Variants in RUVBL1 observed in about 807,000 individuals in gnomAD.
RUVBL1 encodes the protein RuvB like AAA ATPase 1.
RUVBL1 carries 4 observed loss-of-function variants against 52.4 expected under a neutral mutation model. The observed-to-expected ratio is 0.08, with a 90% CI of 0.04 to 0.17. The LOEUF (loss-of-function observed/expected upper bound fraction) is 0.17. Ranked by LOEUF, RUVBL1 falls within the 10% of genes least tolerant of loss-of-function variation. The pLI, the probability that RUVBL1 is intolerant of heterozygous loss-of-function variation, is 1.00. For synonymous variants in RUVBL1, 217 were observed against 214.4 expected, an observed-to-expected ratio of 1.01 and a Z score of -0.10; for missense variants, 298 against 572.8, an observed-to-expected ratio of 0.52 and a Z score of 4.90.
At chr3:128,074,354 GA>G (rs1942247788) in intron 9 of RUVBL1, among the ~76,000 whole-genome samples, 1 of 148,856 alleles carries the variant, frequency 6.7e-6, no homozygotes. Flanking sequence ...TGAAATTCTA[GA>G]GCAGGAAAAC....
At chr3:128,151,561 A>AT (rs900381141) in intron 1 of RUVBL1, among the ~76,000 whole-genome samples, 4 of 151,788 alleles carry the variant, frequency 2.6e-5, no homozygotes, top group Admixed American at 6.6e-5. Context: ...TTACTACTAG[A>AT]TTTTTTTTAA....
At chr3:128,110,590 T>G (rs916633250) in intron 3 of RUVBL1, among the ~76,000 whole-genome samples, 20 of 152,152 alleles carry the variant, frequency 1.3e-4, no homozygotes, top group African/African-American at 4.6e-4. Flanking sequence ...ACTGAGGAAG[T>G]GTTAAAATTA....
intron 3 of RUVBL1, among the ~76,000 whole-genome samples, chr3:128,107,295 T>A (rs1943266318): frequency 6.6e-6 from 1 of 152,226 alleles, no homozygotes; most frequent in Non-Finnish European, 1.5e-5. Context: ...ATTCCCCCCA[T>A]GATTCCAAAG....
rs1239830874 is a variant in RUVBL1 at position 128,130,615 on chromosome 3, TTTTATTTATTTATGTA to T, written c.-39-11217_-39-11202del. ...CTCTACAAAAAAAAAAAAAAAAAAA[TTTTATTTATTTATGTA>T]TTTATTTATTTATTTATTTATTTAT... is the stretch of plus-strand genomic sequence containing the variant. On this transcript the variant is annotated intron_variant, in intron 1 of 9. Transcript: ENST00000464873. 1.3e-3 allele frequency among the ~76,000 whole-genome samples: 120 copies of T among 91,304 alleles called. 1 individual carries two copies. Among genetic ancestry groups the T allele is most frequent in the Middle Eastern group, 4.6e-3 (1 of 218 alleles). 59.9% of individuals were successfully genotyped at this position (91,304 alleles called of 152,430 possible).
rs184299714 is a variant in RUVBL1 at position 128,064,790 on chromosome 3, C to A, written c.*422G>T. ...GAGTCTAATAACTTAAGTTTGTTTT[C>A]CTCTTTTTATTTGTCTGCTAAGAAG... On this transcript the variant is annotated 3_prime_UTR_variant, in exon 10 of 10. Coordinates refer to the RUVBL1 transcript ENST00000464873. 979 of 1,243,274 alleles carry A rather than the reference C, an allele frequency of 7.9e-4. 2 individuals are homozygous for A. Among genetic ancestry groups the A allele is most frequent in the Non-Finnish European group, 1.0e-3 (901 of 888,024 alleles). The allele number at this position is 1,243,274 out of a possible 1,614,324, so 77.0% of individuals were successfully genotyped here. A position where few individuals can be genotyped will look rare whatever the true frequency, so the allele number is the denominator to read the frequency against.
At chr3:128,121,658 C>T (rs566464015) in intron 1 of RUVBL1, among the ~76,000 whole-genome samples, 8 of 147,530 alleles carry the variant, frequency 5.4e-5, no homozygotes, top group African/African-American at 2.0e-4. Context: ...TGCAGTGAGC[C>T]GAGATCGCGC....
At chr3:128,108,074 G>A (rs950125764) in intron 3 of RUVBL1, among the ~76,000 whole-genome samples, 10 of 152,162 alleles carry the variant, frequency 6.6e-5, no homozygotes, top group South Asian at 2.1e-4. Context: ...CTCTGGCAAC[G>A]ACAACACAAA....
chr3:128,073,980 C>T (rs1942240575), intron 9 of RUVBL1, among the ~76,000 whole-genome samples: 2 of 152,220 alleles, frequency 1.3e-5, no homozygotes, highest in East Asian at 1.9e-4. Context: ...GAAACAATAG[C>T]GTATGCTACC....
intron 3 of RUVBL1, among the ~76,000 whole-genome samples, chr3:128,106,556 T>C (rs1177422340): frequency 6.6e-6 from 1 of 151,918 alleles, no homozygotes; most frequent in African/African-American, 2.4e-5. Flanking sequence ...GGCAATGCCA[T>C]AACTTGCAGA....
intron 8 of RUVBL1, among the ~76,000 whole-genome samples, chr3:128,092,531 A>G (rs1219213959): frequency 6.6e-6 from 1 of 152,176 alleles, no homozygotes; most frequent in Non-Finnish European, 1.5e-5. Context: ...CTGAATAAAA[A>G]ATGGGCAAAG....
At chr3:128,084,690 T>C (rs543909236) in intron 9 of RUVBL1, 2 of 152,320 alleles carry the variant, frequency 1.3e-5, no homozygotes, top group South Asian at 2.1e-4. Context: ...ATGAGATCTT[T>C]AATCATTTAA....
rs750008655 is a variant in RUVBL1, at chr3:128,067,400, G to A, written c.940-2180C>T. ...GTAAAATGAAGGAGCACTCACATGC[G>A]TTTGGTTTCTTCTTCCCCAGGACAC... On this transcript the variant is annotated intron_variant, in intron 9 of 9. Transcript: ENST00000464873. This position sits in a 1 kb window ranked among gnomAD's most constrained non-coding sequence, Gnocchi z 4.1. 8 of 1,601,316 alleles carry A rather than the reference G, an allele frequency of 5.0e-6. No homozygotes were observed. In the African/African-American group the frequency reaches 5.4e-5, roughly 11 times the overall value.
chr3:128,113,090 A>C (rs1943430987), intron 2 of RUVBL1, 70 bp from the exon 3 acceptor site: 1 of 1,554,800 alleles, frequency 6.4e-7, no homozygotes, highest in South Asian at 1.2e-5. Flanking sequence ...CACATGCTAC[A>C]GAACCACCAG....
In RUVBL1 at chr3:128,101,602, G is replaced by A; in HGVS notation, c.560C>T (p.Ala187Val). ...FESLQKERVEAGDVIYIEANS... is the reference protein window; with the variant it reads ...FESLQKERVEVGDVIYIEANS... ...GGCTTCAATGTAAATCACATCTCCA[G>A]CTTCTACTCGCTCTTTCTGCAAACT... The change falls in exon 5 of 11, where the codon GCT becomes GTT. Residue 187 changes from alanine to valine, a missense_variant. Transcript: ENST00000322623. The A allele has an allele frequency of 6.2e-7, 1 of 1,613,934 alleles. No individual in the cohort carries two copies. The highest frequency in any genetic ancestry group is 8.5e-7 in the Non-Finnish European group (1 of 1,180,014).
intron 9 of RUVBL1, chr3:128,068,029 G>T: frequency 6.2e-7 from 1 of 1,613,870 alleles, no homozygotes; most frequent in South Asian, 1.1e-5. Flanking sequence ...AGAGGCCACC[G>T]AGAGACCTCC....
chr3:128,122,951 T>C (rs977796310), intron 1 of RUVBL1, among the ~76,000 whole-genome samples: 10 of 152,102 alleles, frequency 6.6e-5, no homozygotes, highest in African/African-American at 2.4e-4. Context: ...AAAAAGGAGA[T>C]TTAATTGGAA....
At chr3:128,137,655 A>G (rs565727363) in intron 1 of RUVBL1, among the ~76,000 whole-genome samples, 8 of 152,324 alleles carry the variant, frequency 5.3e-5, no homozygotes, top group South Asian at 2.1e-4. Flanking sequence ...ATCCCAAAAA[A>G]TAGAGGAGGG....
In RUVBL1 at chr3:128,153,896, C is replaced by T; in HGVS notation, c.-733G>A. 6 of 1,427,908 alleles carry T rather than the reference C, an allele frequency of 4.2e-6. No individual in the cohort carries two copies. In the South Asian group the frequency reaches 8.9e-5, roughly 21 times the overall value. The allele number at this position is 1,427,908 out of a possible 1,614,324, so 88.5% of individuals were successfully genotyped here. On this transcript the variant is annotated 5_prime_UTR_variant, in exon 1 of 10. Coordinates refer to the RUVBL1 transcript ENST00000464873. ...CGACCGGGCCCCGTGTCCGAATTCG[C>T]TCGAGCCTTTGCCGGGACGGGAAAT...
At chr3:128,101,704 C>A (rs768471540) in intron 4 of RUVBL1, 56 bp from the exon 5 acceptor site, 1 of 1,553,672 alleles carries the variant, frequency 6.4e-7, no homozygotes, top group Non-Finnish European at 8.8e-7. Flanking sequence ...CCTTCTGACA[C>A]CATGTAAGGT....
Sources: gnomAD v4.1 joint callset for allele counts (sites outside exome capture counted in the v4.1 genomes callset) on GRCh38, gnomAD v4.1.1 for gene constraint, Gnocchi (gnomAD v3.1) non-coding constraint, MANE v1.5 for transcripts, NCBI Gene and HGNC (gene_info 2026-07-23, HGNC 2026-07-21) for gene names.